The following VRK2 variants were observed in gnomAD, a reference collection of about 807,000 sequenced individuals.
VRK2 encodes the protein VRK serine/threonine kinase 2.
In VRK2, 60 loss-of-function variants were observed where a neutral mutation model predicts 57.6. The observed-to-expected ratio is 1.04, with a 90% CI of 0.85 to 1.29. VRK2 has a LOEUF of 1.29. Ranked by LOEUF, VRK2 falls within the 50% of genes most tolerant of loss-of-function variation. VRK2 has a pLI of 0.00. For missense variants in VRK2, 705 were observed against 588.1 expected, an observed-to-expected ratio of 1.20 and a Z score of -2.06; for synonymous variants, 231 against 199.2, an observed-to-expected ratio of 1.16 and a Z score of -1.35.
chr2:58,084,096 C>T lies in VRK2; in HGVS notation c.144C>T (p.Pro48=). 1 of 1,604,268 alleles carries T rather than the reference C, an allele frequency of 6.2e-7. No individual in the cohort carries two copies. Among genetic ancestry groups the T allele is most frequent in the Non-Finnish European group, 8.5e-7 (1 of 1,174,324 alleles). The part of the protein sequence containing the change: ...GGFGLIYLAF[P]TNKPEKDARH... ...TGTTTTTTTTGTCTGCAGCTTTCCCCACAAATAAACCAGAGAAAGATGCAA... is the reference window on the plus strand; with the variant it reads ...TGTTTTTTTTGTCTGCAGCTTTCCCTACAAATAAACCAGAGAAAGATGCAA... Residue 48 remains proline (P), a synonymous_variant, in exon 3 of 13, where the codon CCC becomes CCT. Transcript: ENST00000340157.
intron 1 of VRK2, among the ~76,000 whole-genome samples, chr2:57,986,484 T>A (rs1672596873): frequency 6.6e-6 from 1 of 151,568 alleles, no homozygotes; most frequent in African/African-American, 2.4e-5. Context: ...GAAAAAAGAA[T>A]AACATTTGAA....
At chr2:58,005,184 T>C (rs1007510004) in intron 1 of VRK2, among the ~76,000 whole-genome samples, 9 of 152,206 alleles carry the variant, frequency 5.9e-5, no homozygotes, top group South Asian at 4.1e-4. Flanking sequence ...GGGATTTATA[T>C]GCAAAAACTA....
intron 1 of VRK2, among the ~76,000 whole-genome samples, chr2:57,985,570 A>T (rs924790096): frequency 1.3e-5 from 2 of 152,054 alleles, no homozygotes; most frequent in African/African-American, 4.8e-5. Context: ...AATAAAGTAC[A>T]TTCACAAGAA....
chr2:58,122,548 A>G (rs1357825145), intron 7 of VRK2, among the ~76,000 whole-genome samples: 1 of 152,248 alleles, frequency 6.6e-6, no homozygotes, highest in African/African-American at 2.4e-5. Flanking sequence ...GAAGGTCTTC[A>G]TCGTCTTCAC....
At chr2:57,993,798 C>T (rs1189491577) in intron 1 of VRK2, among the ~76,000 whole-genome samples, 1 of 152,128 alleles carries the variant, frequency 6.6e-6, no homozygotes, top group Non-Finnish European at 1.5e-5. Flanking sequence ...TGATTTTTGT[C>T]AGGAGGCCTG....
intron 9 of VRK2, among the ~76,000 whole-genome samples, chr2:58,133,459 T>G (rs1023197995): frequency 1.3e-5 from 2 of 152,220 alleles, no homozygotes; most frequent in Non-Finnish European, 2.9e-5. Context: ...TACATAATCA[T>G]AATTTATTCA....
At chr2:58,020,712 G>A (rs1263185753) in intron 1 of VRK2, among the ~76,000 whole-genome samples, 1 of 152,192 alleles carries the variant, frequency 6.6e-6, no homozygotes, top group Non-Finnish European at 1.5e-5. Flanking sequence ...ACTTTCCATT[G>A]TATAACTTTT....
At chr2:57,946,107 T>C (rs1269197598) in intron 1 of VRK2, among the ~76,000 whole-genome samples, 2 of 152,104 alleles carry the variant, frequency 1.3e-5, no homozygotes, top group Non-Finnish European at 2.9e-5. Flanking sequence ...GAATAATTTA[T>C]TTATATCCAA....
At chr2:58,069,233 T>C (rs1295704471) in intron 2 of VRK2, among the ~76,000 whole-genome samples, 1 of 152,218 alleles carries the variant, frequency 6.6e-6, no homozygotes, top group East Asian at 1.9e-4. Flanking sequence ...TGGGGTACAG[T>C]GTTCGTTTAG....
intron 1 of VRK2, among the ~76,000 whole-genome samples, chr2:57,951,029 T>C (rs1354041647): frequency 6.6e-6 from 1 of 152,046 alleles, no homozygotes; most frequent in Non-Finnish European, 1.5e-5. Flanking sequence ...GAGGCAAAGG[T>C]TGCAGTGAGC....
At chr2:58,136,532 G>A (rs973040922) in intron 10 of VRK2, among the ~76,000 whole-genome samples, 13 of 151,642 alleles carry the variant, frequency 8.6e-5, no homozygotes, top group East Asian at 3.9e-4. Context: ...CTACAGACAC[G>A]TGCCACGATG....
At chr2:57,920,439 A>G (rs1225992907) in intron 1 of VRK2, among the ~76,000 whole-genome samples, 6 of 152,084 alleles carry the variant, frequency 3.9e-5, no homozygotes, top group African/African-American at 9.6e-5. Context: ...ATTTTACTCA[A>G]TGGGCTCAGT....
chr2:57,994,455 A>C (rs1252214624), intron 1 of VRK2, among the ~76,000 whole-genome samples: 1 of 152,212 alleles, frequency 6.6e-6, no homozygotes, highest in African/African-American at 2.4e-5. Context: ...CTGTCTACAC[A>C]GTTCAAAGGA....
chr2:58,159,585 A>G lies in VRK2; in HGVS notation c.1419A>G (p.Thr473=), dbSNP rs765209343. ...AAAGTTCAACTGGACTTTGGCCTAC[A>G]ATTTCCCAGTTTACTCTTAGTGAAG... ...DLESSTGLWP[T]ISQFTLSEET... is the part of the protein sequence containing the mutation. The change falls in exon 13 of 13, where the codon ACA becomes ACG. Residue 473 remains threonine, a synonymous_variant. Transcript: ENST00000340157. The G allele has an allele frequency of 6.2e-7, 1 of 1,613,706 alleles. No individual in the cohort carries two copies. Among genetic ancestry groups the G allele is most frequent in the African/African-American group, 1.3e-5 (1 of 74,908 alleles).
At chr2:57,973,297 C>T (rs1672150829) in intron 1 of VRK2, among the ~76,000 whole-genome samples, 2 of 151,676 alleles carry the variant, frequency 1.3e-5, no homozygotes, top group Non-Finnish European at 3.0e-5. Context: ...TTTTAAGGGC[C>T]AAGCAAATGC....
At chr2:57,922,620 G>A (rs1025902275) in intron 1 of VRK2, among the ~76,000 whole-genome samples, 1 of 151,538 alleles carries the variant, frequency 6.6e-6, no homozygotes, top group Non-Finnish European at 1.5e-5. Context: ...ATTTTTGTGG[G>A]TACATAGGTG....
At chr2:58,072,117 A>G (rs535227811) in intron 2 of VRK2, among the ~76,000 whole-genome samples, 12 of 152,082 alleles carry the variant, frequency 7.9e-5, no homozygotes, top group African/African-American at 2.6e-4. Context: ...TGTGTATTAA[A>G]TTTGTATTCT....
At chr2:57,923,351 G>C (rs182313369) in intron 1 of VRK2, among the ~76,000 whole-genome samples, 1 of 152,100 alleles carries the variant, frequency 6.6e-6, no homozygotes, top group East Asian at 1.9e-4. Context: ...CACCAATACT[G>C]TATGAGGGTT....
chr2:58,117,723 T>C (rs1440314120), intron 7 of VRK2, among the ~76,000 whole-genome samples: 4 of 152,144 alleles, frequency 2.6e-5, no homozygotes, highest in Non-Finnish European at 4.4e-5. Context: ...TGTTTGGAAC[T>C]ACTGTCAAGT....
Sources: gnomAD v4.1 joint callset for allele counts (sites outside exome capture counted in the v4.1 genomes callset) on GRCh38, gnomAD v4.1.1 for gene constraint, MANE v1.5 for transcripts, NCBI Gene and HGNC (gene_info 2026-07-23, HGNC 2026-07-21) for gene names.